The following MAPK10 variants were observed in gnomAD, a reference collection of about 807,000 sequenced individuals.
MAPK10 encodes JNK3 alpha protein kinase.
A neutral mutation model predicts 59.3 loss-of-function variants in MAPK10; 25 were observed. That is an observed-to-expected ratio of 0.42 (90% CI 0.31 to 0.59). The LOEUF is 0.59. MAPK10 is among the 20% of genes least tolerant of loss of function. The probability of loss-of-function intolerance (pLI) is 0.15; values close to 1 mark genes in which losing one functional copy is unlikely to be tolerated. For missense variants in MAPK10, 351 were observed against 568.9 expected (o/e 0.62, Z 3.90); for synonymous variants, 190 against 200.5 (o/e 0.95, Z 0.44).
chr4:86,082,558 A>G (rs549172152), intron 9 of MAPK10, among the ~76,000 whole-genome samples: 2 of 152,252 alleles, frequency 1.3e-5, no homozygotes, highest in South Asian at 4.1e-4. Flanking sequence ...AGTTATAGGG[A>G]AAGACTCAAA....
intron 1 of MAPK10, among the ~76,000 whole-genome samples, chr4:86,465,174 T>C (rs1412956887): frequency 1.3e-5 from 2 of 152,224 alleles, no homozygotes; most frequent in African/African-American, 2.4e-5. Flanking sequence ...TGTACATGTA[T>C]GTGTGGACAC....
At chr4:86,114,671 G>T in intron 4 of MAPK10, among the ~76,000 whole-genome samples, 1 of 152,218 alleles carries the variant, frequency 6.6e-6, no homozygotes, top group East Asian at 1.9e-4. Flanking sequence ...CACAGGATCA[G>T]GGAACTGTTT....
intron 4 of MAPK10, among the ~76,000 whole-genome samples, chr4:86,118,579 T>TACACACAC (rs148000432): frequency 5.9e-4 from 86 of 146,352 alleles, no homozygotes; most frequent in African/African-American, 2.1e-3. Flanking sequence ...TAAATACACA[T>TACACACAC]ACACACACAC....
chr4:86,137,365 T>G (rs2062470635), intron 4 of MAPK10, among the ~76,000 whole-genome samples: 1 of 144,892 alleles, frequency 6.9e-6, no homozygotes, highest in Non-Finnish European at 1.5e-5. Flanking sequence ...AAACTAGAAC[T>G]CAGGATTAAG....
chr4:86,282,532 T>C (rs2094847132), intron 2 of MAPK10, among the ~76,000 whole-genome samples: 1 of 152,108 alleles, frequency 6.6e-6, no homozygotes, highest in Non-Finnish European at 1.5e-5. Flanking sequence ...ACTGCAACTA[T>C]AAAATAGTAA....
chr4:86,374,791 G>A (rs946473917), intron 1 of MAPK10, among the ~76,000 whole-genome samples: 1 of 152,270 alleles, frequency 6.6e-6, no homozygotes, highest in Admixed American at 6.5e-5. Flanking sequence ...TCCCTAAACT[G>A]AAATCCCCAT....
chr4:86,306,400 T>C (rs1055017396), intron 2 of MAPK10, among the ~76,000 whole-genome samples: 2 of 152,224 alleles, frequency 1.3e-5, no homozygotes, highest in Non-Finnish European at 2.9e-5. Context: ...TTTGCAGTAT[T>C]ATGAAAATAC....
intron 5 of MAPK10, among the ~76,000 whole-genome samples, chr4:86,104,226 C>G (rs898104270): frequency 6.6e-6 from 1 of 151,958 alleles, no homozygotes; most frequent in Non-Finnish European, 1.5e-5. Context: ...TTATGTCTCA[C>G]GTAGTTTTAA....
intron 9 of MAPK10, among the ~76,000 whole-genome samples, chr4:86,088,390 T>C (rs561309353): frequency 7.9e-5 from 12 of 152,228 alleles, no homozygotes; most frequent in African/African-American, 2.9e-4. Flanking sequence ...CTTGCTCTCT[T>C]GCCTAGGCTG....
At chr4:86,223,533 G>T (rs1308343281) in intron 2 of MAPK10, among the ~76,000 whole-genome samples, 1 of 152,140 alleles carries the variant, frequency 6.6e-6, no homozygotes, top group African/African-American at 2.4e-5. Context: ...TTATGCTTTG[G>T]GTCATGAAAA....
intron 2 of MAPK10, among the ~76,000 whole-genome samples, chr4:86,213,465 G>A (rs1434575705): frequency 1.3e-5 from 2 of 152,018 alleles, no homozygotes; most frequent in Admixed American, 1.3e-4. Flanking sequence ...GCTGGATTTA[G>A]TAAGATAAAG....
chr4:86,512,222 C>T (rs184050773), intron 1 of MAPK10, among the ~76,000 whole-genome samples: 45 of 152,220 alleles, frequency 3.0e-4, no homozygotes, highest in Non-Finnish European at 5.1e-4. Flanking sequence ...ACTTTTTCTT[C>T]TTACTTGATC....
intron 4 of MAPK10, among the ~76,000 whole-genome samples, chr4:86,140,956 C>T (rs1385406248): frequency 6.6e-6 from 1 of 152,110 alleles, no homozygotes; most frequent in Admixed American, 6.5e-5. Flanking sequence ...ATAAATTATG[C>T]ATTTCTCTAA....
At chr4:86,543,008 A>G (rs1424752593) in intron 1 of MAPK10, among the ~76,000 whole-genome samples, 1 of 152,174 alleles carries the variant, frequency 6.6e-6, no homozygotes, top group Non-Finnish European at 1.5e-5. Context: ...GCAGCTGGTC[A>G]TCAGAGCCTC....
At chr4:86,161,609 C>A (rs2149235231) in intron 3 of MAPK10, among the ~76,000 whole-genome samples, 1 of 152,180 alleles carries the variant, frequency 6.6e-6, no homozygotes, top group African/African-American at 2.4e-5. Flanking sequence ...AAGTGCCTAA[C>A]TTGCCATTTG....
At chr4:86,346,695 A>C (rs1728414457) in intron 2 of MAPK10, among the ~76,000 whole-genome samples, 3 of 150,690 alleles carry the variant, frequency 2.0e-5, no homozygotes, top group Admixed American at 1.3e-4. Flanking sequence ...GAGGTTTCAC[A>C]TCCCAGGAAT....
intron 13 of MAPK10, chr4:86,028,954 T>A: frequency 1.9e-6 from 1 of 527,522 alleles, no homozygotes; most frequent in Non-Finnish European, 3.4e-6. Flanking sequence ...TCTTCAGGAT[T>A]CATTACTATT....
At chr4:86,453,901 C>T (rs937075648), upstream of MAPK10, among the ~76,000 whole-genome samples, 1 of 152,130 alleles carries the variant, frequency 6.6e-6, no homozygotes, top group African/African-American at 2.4e-5. Flanking sequence ...GTACTGGTAT[C>T]CACAGCTAAG....
chr4:86,229,461 A>G (rs575347573), intron 2 of MAPK10, among the ~76,000 whole-genome samples: 29 of 152,310 alleles, frequency 1.9e-4, no homozygotes, highest in Middle Eastern at 6.8e-3. Context: ...AGTTTCAGTC[A>G]CATGGAAATA....
Sources: gnomAD v4.1 joint callset for allele counts (sites outside exome capture counted in the v4.1 genomes callset) on GRCh38, gnomAD v4.1.1 for gene constraint, MANE v1.5 for transcripts, NCBI Gene and HGNC (gene_info 2026-07-23, HGNC 2026-07-21) for gene names.